The following PTPRD variants were observed in gnomAD, a reference collection of about 807,000 sequenced individuals.
The protein encoded by PTPRD is receptor-type tyrosine-protein phosphatase delta.
A neutral mutation model predicts 214.5 loss-of-function variants in PTPRD; 34 were observed. The ratio of observed to expected loss-of-function variants is 0.16; its 90% CI spans 0.12 to 0.21. The LOEUF is 0.21. Among genes scored for constraint, PTPRD ranks in the 10% least tolerant of loss-of-function variants. The pLI is 1.00. For synonymous variants in PTPRD, 1,128 were observed against 845.7 expected, an observed-to-expected ratio of 1.33 and a Z score of -5.79; for missense variants, 2,545 against 2,398.7, an observed-to-expected ratio of 1.06 and a Z score of -1.27.
Position 8,791,883 on chromosome 9 carries a change from G to A in PTPRD, c.-103-57937C>T, listed in dbSNP as rs562627139. Among the ~76,000 whole-genome samples, 5 of 152,200 alleles carry A rather than the reference G, an allele frequency of 3.3e-5. No homozygotes were observed. The South Asian group carries it at 1.0e-3, about 32-fold the overall frequency. On this transcript the variant is annotated intron_variant, in intron 11 of 45. Coordinates refer to ENST00000381196, the MANE Select transcript of PTPRD (RefSeq NM_002839.4). Reference sequence around the variant, plus strand: ...AAATCAAAATGCGGGAAAACAATGTGTTTTAAGGCCAGGGAATGACTGCAA... The same window carrying A: ...AAATCAAAATGCGGGAAAACAATGTATTTTAAGGCCAGGGAATGACTGCAA...
At chr9:8,800,417 C>A (rs2096548058) in intron 11 of PTPRD, among the ~76,000 whole-genome samples, 2 of 152,046 alleles carry the variant, frequency 1.3e-5, no homozygotes, top group African/African-American at 4.8e-5. Context: ...AGGAGGTCAG[C>A]ACAAGATACA....
At chr9:8,910,836 C>G (rs960380450) in intron 11 of PTPRD, among the ~76,000 whole-genome samples, 3 of 151,968 alleles carry the variant, frequency 2.0e-5, no homozygotes, top group Non-Finnish European at 4.4e-5. Context: ...AAAAGTGAAA[C>G]TAAGTAAAAA....
intron 5 of PTPRD, among the ~76,000 whole-genome samples, chr9:9,785,908 C>A (rs1162770926): frequency 6.6e-6 from 1 of 152,098 alleles, no homozygotes; most frequent in Admixed American, 6.5e-5. Flanking sequence ...GCCAATGCTT[C>A]AAGTAGGTCA....
intron 14 of PTPRD, among the ~76,000 whole-genome samples, chr9:8,592,084 A>G (rs1291363940): frequency 6.6e-6 from 1 of 152,202 alleles, no homozygotes; most frequent in Admixed American, 6.5e-5. Flanking sequence ...TGGTGACTTT[A>G]ACATGGAAAT....
intron 10 of PTPRD, among the ~76,000 whole-genome samples, chr9:9,181,826 C>A (rs980035365): frequency 6.6e-6 from 1 of 151,804 alleles, no homozygotes; most frequent in African/African-American, 2.4e-5. Flanking sequence ...AGAAATAGAA[C>A]TAAAAAGAAA....
chr9:10,543,760 G>A (rs192316313), intron 2 of PTPRD, among the ~76,000 whole-genome samples: 17 of 152,246 alleles, frequency 1.1e-4, no homozygotes, highest in Non-Finnish European at 1.9e-4. Context: ...TTAATACATC[G>A]CAGTCAACAA....
intron 3 of PTPRD, among the ~76,000 whole-genome samples, chr9:10,119,277 G>T (rs923851192): frequency 7.9e-5 from 12 of 151,816 alleles, no homozygotes; most frequent in African/African-American, 2.9e-4. Flanking sequence ...CCCTGGAAAA[G>T]GAAATATAAA....
intron 8 of PTPRD, among the ~76,000 whole-genome samples, chr9:9,553,972 G>C (rs140548961): frequency 0.016 from 2,505 of 151,956 alleles, 40 homozygotes; most frequent in Admixed American, 0.026. Flanking sequence ...ACAGATTCTG[G>C]GTATTTTAAA....
At chr9:8,710,103 A>T (rs982820915) in intron 12 of PTPRD, among the ~76,000 whole-genome samples, 1 of 152,212 alleles carries the variant, frequency 6.6e-6, no homozygotes, top group African/African-American at 2.4e-5. Flanking sequence ...AGCAAGGTGC[A>T]CGCACATCCT....
At chr9:8,647,037 T>A (rs547959346) in intron 12 of PTPRD, among the ~76,000 whole-genome samples, 27 of 152,350 alleles carry the variant, frequency 1.8e-4, no homozygotes, top group Non-Finnish European at 3.8e-4. Context: ...CTGCAATACA[T>A]TGATATGACA....
intron 11 of PTPRD, among the ~76,000 whole-genome samples, chr9:8,896,959 G>C (rs530178751): frequency 2.3e-4 from 35 of 152,234 alleles, no homozygotes; most frequent in African/African-American, 8.4e-4. Flanking sequence ...TTTTATATAG[G>C]TAACTGAAGT....
At position 10,589,608 on chromosome 9, in the gene PTPRD, G is replaced by C. The variant is rs578103311; in HGVS notation, c.-600+22790C>G. ...TCAGGAATGAATTACTGTGGTAACA[G>C]CTATAAAGGACTCCAGTGCCTCAAC... On this transcript the variant is annotated intron_variant, in intron 2 of 45. Coordinates refer to ENST00000381196, the MANE Select transcript of PTPRD (RefSeq NM_002839.4). 2.0e-5 allele frequency among the ~76,000 whole-genome samples: 3 copies of C among 152,124 alleles called. No homozygotes were observed. The South Asian group carries it at 6.2e-4, about 32-fold the overall frequency.
rs187087522 is a variant in PTPRD, at chr9:9,254,087, A to T, written c.-202-70724T>A. 1.6e-4 allele frequency among the ~76,000 whole-genome samples: 24 copies of T among 152,176 alleles called. No individual in the cohort carries two copies. The East Asian group carries it at 4.7e-3, about 30-fold the overall frequency. On this transcript the variant is annotated intron_variant, in intron 9 of 45. Coordinates refer to ENST00000381196, the MANE Select transcript of PTPRD (RefSeq NM_002839.4). Reference sequence around the variant, plus strand: ...GGCCCCACCTGGAAAATCCAGGATGATATCCTTCTCTCAACATATTTGAAT... The same window carrying T: ...GGCCCCACCTGGAAAATCCAGGATGTTATCCTTCTCTCAACATATTTGAAT...
At chr9:10,516,787 A>T (rs1348238720) in intron 2 of PTPRD, among the ~76,000 whole-genome samples, 1 of 151,606 alleles carries the variant, frequency 6.6e-6, no homozygotes, top group Non-Finnish European at 1.5e-5. Flanking sequence ...ATTATTTTGC[A>T]TTTGAATATC....
intron 35 of PTPRD, among the ~76,000 whole-genome samples, chr9:8,424,936 A>C (rs963245965): frequency 2.0e-5 from 3 of 152,186 alleles, no homozygotes; most frequent in Non-Finnish European, 4.4e-5. Flanking sequence ...GTGACGATGG[A>C]AAGACTAATG....
At chr9:9,791,821 A>C (rs2098969491) in intron 5 of PTPRD, among the ~76,000 whole-genome samples, 1 of 152,188 alleles carries the variant, frequency 6.6e-6, no homozygotes, top group African/African-American at 2.4e-5. Context: ...GTTATAAGCT[A>C]TCCAATTTCT....
intron 6 of PTPRD, among the ~76,000 whole-genome samples, chr9:9,753,526 C>T (rs2098541806): frequency 6.6e-6 from 1 of 151,958 alleles, no homozygotes; most frequent in African/African-American, 2.4e-5. Flanking sequence ...AACACTAGCT[C>T]TCTTGTGTGT....
At chr9:9,747,308 C>G (rs1435093413) in intron 6 of PTPRD, among the ~76,000 whole-genome samples, 1 of 152,018 alleles carries the variant, frequency 6.6e-6, no homozygotes, top group African/African-American at 2.4e-5. Context: ...AAGAGGAACC[C>G]TCCCAAGAAA....
chr9:9,916,227 A>T (rs568399977), intron 5 of PTPRD, among the ~76,000 whole-genome samples: 1 of 152,096 alleles, frequency 6.6e-6, no homozygotes, highest in Non-Finnish European at 1.5e-5. Flanking sequence ...GAAATGTTCA[A>T]GAGAATTGTA....
Sources: allele counts gnomAD v4.1 joint callset (sites outside exome capture counted in the v4.1 genomes callset), GRCh38; gene constraint gnomAD v4.1.1; transcripts MANE v1.5; gene names NCBI Gene and HGNC (gene_info 2026-07-23, HGNC 2026-07-21).